Variants in GALNT18 observed in about 807,000 individuals in gnomAD.
GALNT18 encodes polypeptide N-acetylgalactosaminyltransferase 18.
Under a neutral mutation model 69.5 loss-of-function variants are expected in GALNT18, and 44 were observed. That is an observed-to-expected ratio of 0.63 (90% CI 0.50 to 0.81). The LOEUF is 0.81. GALNT18 is among the 40% of genes least tolerant of loss of function. GALNT18 has a pLI of 0.00. For missense variants in GALNT18, 715 were observed against 810.0 expected (o/e 0.88, Z 1.42); for synonymous variants, 364 against 318.2 (o/e 1.14, Z -1.53).
rs1470068595 is a variant in GALNT18 at position 11,372,122 on chromosome 11, CAG to C, written c.1092+391_1092+392del. 6.6e-6 allele frequency among the ~76,000 whole-genome samples: 1 copy of C among 152,194 alleles called. No homozygotes were observed. Among genetic ancestry groups the C allele is most frequent in the Non-Finnish European group, 1.5e-5 (1 of 68,040 alleles). Reference sequence around the variant, plus strand: ...GTTCTATGGGCCACTGTGGAGAAGACAGAGACTGTCAAAGTGAGAAATCCCAA... The same window carrying C: ...GTTCTATGGGCCACTGTGGAGAAGACAGACTGTCAAAGTGAGAAATCCCAA... On this transcript the variant is annotated intron_variant, in intron 6 of 10. Coordinates refer to ENST00000227756, the MANE Select transcript of GALNT18 (RefSeq NM_198516.3). The surrounding 1 kb of genome is among the most constrained non-coding windows in gnomAD (Gnocchi z 4.9).
Position 11,270,995 on chromosome 11 carries a change from C to T in GALNT18, c.*149G>A. ...CCAATCAGCATCTTTCTATAAACTC[C>T]ATGAAAATTGAATAGGAAATAAAAA... On this transcript the variant is annotated 3_prime_UTR_variant, in exon 11 of 11. Transcript: ENST00000227756. 2 of 616,760 alleles carry T rather than the reference C, an allele frequency of 3.2e-6. No homozygotes were observed. The highest frequency in any genetic ancestry group is 5.5e-5 in the East Asian group (2 of 36,158). The allele number at this position is 616,760 out of a possible 1,614,324, so 38.2% of individuals were successfully genotyped here.
In GALNT18 at chr11:11,356,923, C is replaced by T. The variant is rs1431235741; in HGVS notation, c.1092+15592G>A. 6.6e-6 allele frequency among the ~76,000 whole-genome samples: 1 copy of T among 152,138 alleles called. No individual in the cohort carries two copies. Among genetic ancestry groups the T allele is most frequent in the African/African-American group, 2.4e-5 (1 of 41,428 alleles). ...ACTTTTACAACGTACTTTTAAACTGCGTCTACTCAGCTGCTGGTTTGTAAT... is the reference window on the plus strand; with the variant it reads ...ACTTTTACAACGTACTTTTAAACTGTGTCTACTCAGCTGCTGGTTTGTAAT... On this transcript the variant is annotated intron_variant, in intron 6 of 10. Coordinates refer to ENST00000227756, the MANE Select transcript of GALNT18 (RefSeq NM_198516.3). This position sits in a 1 kb window ranked among gnomAD's most constrained non-coding sequence, Gnocchi z 4.4.
intron 10 of GALNT18, among the ~76,000 whole-genome samples, chr11:11,289,243 T>C (rs1849253987): frequency 6.6e-6 from 1 of 152,056 alleles, no homozygotes; most frequent in South Asian, 2.1e-4. Context: ...CTTCCACATA[T>C]ATTAATTATT....
chr11:11,525,955 T>C (rs1857513934), intron 1 of GALNT18, among the ~76,000 whole-genome samples: 1 of 152,054 alleles, frequency 6.6e-6, no homozygotes, highest in Non-Finnish European at 1.5e-5. Context: ...ATTTGAGGTG[T>C]CACTGCAACA....
In GALNT18 at chr11:11,302,800, C is replaced by T. The variant is rs1215113907; in HGVS notation, c.1513-9607G>A. ...GGATATCTCAAGTGCTCTGGAGACG[C>T]AGTCATTGCACTCAGCCTTAAAAGG... On this transcript the variant is annotated intron_variant, in intron 9 of 10. Transcript: ENST00000227756. 2.6e-5 allele frequency among the ~76,000 whole-genome samples: 4 copies of T among 152,226 alleles called. No individual in the cohort carries two copies. In the East Asian group the frequency reaches 7.7e-4, roughly 29 times the overall value.
chr11:11,320,567 T>G lies in GALNT18; in HGVS notation c.1512+6519A>C, dbSNP rs1385105613. On this transcript the variant is annotated intron_variant, in intron 9 of 10. Coordinates refer to ENST00000227756, the MANE Select transcript of GALNT18 (RefSeq NM_198516.3). The surrounding 1 kb of genome is among the most constrained non-coding windows in gnomAD (Gnocchi z 4.9). ...CTGTCCACAGTCTCCTTCTGAGATG[T>G]ACCCTGACTTCATTCTCAGGTAACA... Among the ~76,000 whole-genome samples the G allele has an allele frequency of 6.6e-6, 1 of 152,240 alleles. No homozygotes were observed. Among genetic ancestry groups the G allele is most frequent in the Non-Finnish European group, 1.5e-5 (1 of 68,036 alleles).
intron 1 of GALNT18, among the ~76,000 whole-genome samples, chr11:11,517,584 C>A (rs1210800100): frequency 2.0e-5 from 3 of 152,206 alleles, no homozygotes; most frequent in African/African-American, 7.2e-5. Flanking sequence ...GCCCTGGCAT[C>A]CCTGCTCTGG....
At chr11:11,407,164 A>G (rs1854607354) in intron 3 of GALNT18, among the ~76,000 whole-genome samples, 1 of 152,200 alleles carries the variant, frequency 6.6e-6, no homozygotes, top group Admixed American at 6.5e-5. Context: ...ATAGGCAGAG[A>G]CAATGTGTTC....
intron 1 of GALNT18, among the ~76,000 whole-genome samples, chr11:11,610,384 A>G (rs1859864924): frequency 6.6e-6 from 1 of 152,232 alleles, no homozygotes; most frequent in Non-Finnish European, 1.5e-5. Flanking sequence ...AATGGGGATA[A>G]TAACACCATC....
intron 1 of GALNT18, among the ~76,000 whole-genome samples, chr11:11,466,062 C>T (rs763110609): frequency 6.6e-5 from 10 of 151,950 alleles, no homozygotes; most frequent in East Asian, 1.9e-4. Context: ...ACCCATTATA[C>T]GCAAACAGAT....
intron 1 of GALNT18, among the ~76,000 whole-genome samples, chr11:11,609,430 C>T (rs1037486392): frequency 1.3e-5 from 2 of 152,236 alleles, no homozygotes; most frequent in African/African-American, 4.8e-5. Flanking sequence ...GCACACCTCA[C>T]CTTCCTCAAG....
chr11:11,520,865 T>A (rs567163268), intron 1 of GALNT18, among the ~76,000 whole-genome samples: 1 of 152,274 alleles, frequency 6.6e-6, no homozygotes, highest in East Asian at 1.9e-4. Context: ...CATAGGCAGC[T>A]GAGGCTTCTG....
chr11:11,385,076 G>C (rs1008685728), intron 3 of GALNT18, among the ~76,000 whole-genome samples: 12 of 152,154 alleles, frequency 7.9e-5, no homozygotes, highest in African/African-American at 2.9e-4. Context: ...TGGTGGAAGG[G>C]GAAGGGGAGC....
Position 11,271,169 on chromosome 11 carries a change from T to G in GALNT18, c.1799A>C (p.Asn600Thr). Residue 600 changes from asparagine (N) to threonine (T), a missense_variant, in exon 11 of 11, where the codon AAC becomes ACC. Physicochemically the swap from Asn to Thr is moderately conservative, Grantham distance 65. Transcript: ENST00000227756. ...KCSGQHWSIT[N>T]VLRSLAS ...TCAGGACGCGAGGCTCCTCAGGACG[T>G]TGGTGATGCTCCAGTGCTGGCCCGA... The G allele has an allele frequency of 6.2e-7, 1 of 1,613,788 alleles. No homozygotes were observed. The highest frequency in any genetic ancestry group is 8.5e-7 in the Non-Finnish European group (1 of 1,179,716).
intron 9 of GALNT18, among the ~76,000 whole-genome samples, chr11:11,326,708 T>G (rs1022435638): frequency 1.3e-5 from 2 of 152,180 alleles, no homozygotes; most frequent in African/African-American, 4.8e-5. Flanking sequence ...CTCTGACATT[T>G]CAGGGAGCTT....
chr11:11,369,764 T>C (rs1850854772), intron 6 of GALNT18, among the ~76,000 whole-genome samples: 1 of 152,100 alleles, frequency 6.6e-6, no homozygotes, highest in South Asian at 2.1e-4. Context: ...TGCTTGGCCA[T>C]AGTAGCTCCT....
intron 2 of GALNT18, 37 bp downstream of exon 2, chr11:11,448,707 G>A: frequency 6.4e-7 from 1 of 1,562,966 alleles, no homozygotes; most frequent in Non-Finnish European, 8.7e-7. Flanking sequence ...CTCCCCATAG[G>A]CAGGTCGACA....
intron 1 of GALNT18, among the ~76,000 whole-genome samples, chr11:11,566,878 G>A (rs1858666944): frequency 6.6e-6 from 1 of 152,246 alleles, no homozygotes; most frequent in South Asian, 2.1e-4. Flanking sequence ...CAGAGTGGAT[G>A]TGAGTACATT....
chr11:11,505,832 C>T lies in GALNT18; in HGVS notation c.236-56896G>A, dbSNP rs1021357725. 9.2e-5 allele frequency among the ~76,000 whole-genome samples: 14 copies of T among 152,190 alleles called. No homozygotes were observed. The highest frequency in any genetic ancestry group is 3.4e-4 in the African/African-American group (14 of 41,440). Reference sequence around the variant, plus strand: ...CTGTTTCACATCTGGACCCTTTCCACAGTAAATCCTCTAGCCCAGGCCTTA... The same window carrying T: ...CTGTTTCACATCTGGACCCTTTCCATAGTAAATCCTCTAGCCCAGGCCTTA... On this transcript the variant is annotated intron_variant, in intron 1 of 10. Coordinates refer to ENST00000227756, the MANE Select transcript of GALNT18 (RefSeq NM_198516.3). This position sits in a 1 kb window ranked among gnomAD's most constrained non-coding sequence, Gnocchi z 4.6.
Sources: gnomAD v4.1 joint callset for allele counts (sites outside exome capture counted in the v4.1 genomes callset) on GRCh38, gnomAD v4.1.1 for gene constraint, Gnocchi (gnomAD v3.1) non-coding constraint, MANE v1.5 for transcripts, NCBI Gene and HGNC (gene_info 2026-07-23, HGNC 2026-07-21) for gene names.